CCDC85A: variants seen among roughly 807,000 people sequenced by gnomAD.
CCDC85A encodes the protein coiled-coil domain-containing protein 85A.
CCDC85A carries 38 observed loss-of-function variants against 50.2 expected under a neutral mutation model. The ratio of observed to expected loss-of-function variants is 0.76; its 90% confidence interval spans 0.58 to 0.99. The LOEUF (loss-of-function observed/expected upper bound fraction) is 0.99. Ranked by LOEUF, CCDC85A falls within the 50% of genes least tolerant of loss-of-function variation. The pLI is 0.00. For missense variants in CCDC85A, 820 were observed against 742.0 expected, an observed-to-expected ratio of 1.11 and a Z score of -1.22; for synonymous variants, 366 against 301.4, an observed-to-expected ratio of 1.21 and a Z score of -2.22.
chr2:56,260,691 A>T (rs1362548226), intron 2 of CCDC85A, among the ~76,000 whole-genome samples: 1 of 152,186 alleles, frequency 6.6e-6, no homozygotes, highest in Non-Finnish European at 1.5e-5. Context: ...GAGTTGGCAT[A>T]AACCTCACTG....
intron 2 of CCDC85A, among the ~76,000 whole-genome samples, chr2:56,239,867 G>A (rs375935921): frequency 1.5e-4 from 23 of 152,108 alleles, no homozygotes; most frequent in African/African-American, 5.3e-4. Context: ...ATTATAACTC[G>A]AGATCTTTTT....
intron 2 of CCDC85A, among the ~76,000 whole-genome samples, chr2:56,261,238 A>G: frequency 6.6e-6 from 1 of 152,330 alleles, no homozygotes; most frequent in East Asian, 1.9e-4. Flanking sequence ...CCATTCTTAT[A>G]GAGAGACTAT....
intron 5 of CCDC85A, among the ~76,000 whole-genome samples, chr2:56,383,177 A>G (rs1031369549): frequency 3.3e-5 from 5 of 152,012 alleles, no homozygotes; most frequent in Non-Finnish European, 5.9e-5. Context: ...AGAGCCCTAT[A>G]TTGTGTATTA....
intron 2 of CCDC85A, among the ~76,000 whole-genome samples, chr2:56,210,003 G>C (rs1677119129): frequency 6.6e-6 from 1 of 152,142 alleles, no homozygotes; most frequent in African/African-American, 2.4e-5. Flanking sequence ...AGCACATCCT[G>C]GAATGTTTTT....
rs748278606 is a variant in CCDC85A, at chr2:56,193,132, G to A, written c.932G>A (p.Ser311Asn). The change falls in exon 2 of 6, where the codon AGT becomes AAT. Residue 311 changes from serine to asparagine, a missense_variant. Transcript: ENST00000407595. ...GAAACGCTGCCCAAGCACGTGCTGA[G>A]TGGGAGCCCGGAACACTTCCAGAAG... ...SPETLPKHVLSGSPEHFQKHR... is the reference protein window; with the variant it reads ...SPETLPKHVLNGSPEHFQKHR... The A allele has an allele frequency of 1.2e-6, 2 of 1,613,056 alleles. No individual in the cohort carries two copies. The highest frequency in any genetic ancestry group is 1.7e-6 in the Non-Finnish European group (2 of 1,179,234).
intron 2 of CCDC85A, among the ~76,000 whole-genome samples, chr2:56,248,080 G>A (rs1377300566): frequency 6.6e-6 from 1 of 152,108 alleles, no homozygotes; most frequent in Admixed American, 6.6e-5. Flanking sequence ...AAGTGACAGG[G>A]GATATAAGTG....
intron 2 of CCDC85A, among the ~76,000 whole-genome samples, chr2:56,279,035 A>C (rs1453253559): frequency 6.6e-6 from 1 of 152,228 alleles, no homozygotes; most frequent in Non-Finnish European, 1.5e-5. Context: ...GCCCAAGGCC[A>C]GCTGTGATTT....
At chr2:56,285,912 ATCT>A (rs373171609) in intron 2 of CCDC85A, among the ~76,000 whole-genome samples, 258 of 151,966 alleles carry the variant, frequency 1.7e-3, no homozygotes, top group Non-Finnish European at 3.2e-3. Context: ...TTGGATATAA[ATCT>A]TCTTAGGCTG....
intron 1 of CCDC85A, 39 bp downstream of exon 1, chr2:56,184,939 G>C (rs1572990840): frequency 6.9e-7 from 1 of 1,449,946 alleles, no homozygotes; most frequent in South Asian, 1.4e-5. Context: ...GCGCGGCTGG[G>C]AGCGGGGTGC....
chr2:56,242,132 T>A (rs979060605), intron 2 of CCDC85A, among the ~76,000 whole-genome samples: 20 of 152,220 alleles, frequency 1.3e-4, no homozygotes, highest in Non-Finnish European at 1.8e-4. Context: ...TGTTTTCTTT[T>A]GTGAAATGTC....
intron 2 of CCDC85A, among the ~76,000 whole-genome samples, chr2:56,322,349 A>C (rs1401560156): frequency 6.6e-6 from 1 of 152,244 alleles, no homozygotes; most frequent in African/African-American, 2.4e-5. Context: ...CATCAGAGTG[A>C]ACAGGCAACC....
intron 2 of CCDC85A, among the ~76,000 whole-genome samples, chr2:56,215,639 A>G (rs2103891002): frequency 6.8e-6 from 1 of 146,746 alleles, no homozygotes; most frequent in Non-Finnish European, 1.5e-5. Flanking sequence ...TTTCTATGTC[A>G]GTTGATATCA....
intron 2 of CCDC85A, among the ~76,000 whole-genome samples, chr2:56,231,073 A>G (rs1668752896): frequency 6.6e-6 from 1 of 152,218 alleles, no homozygotes. Flanking sequence ...AGCTGGAAGC[A>G]TAAAAAATTA....
chr2:56,376,797 C>T (rs1238950258), intron 5 of CCDC85A, among the ~76,000 whole-genome samples: 1 of 152,150 alleles, frequency 6.6e-6, no homozygotes, highest in Non-Finnish European at 1.5e-5. Context: ...TAGCTTTGAT[C>T]AAACCTTTCT....
chr2:56,351,471 G>C (rs1476217650), intron 3 of CCDC85A, among the ~76,000 whole-genome samples: 1 of 143,986 alleles, frequency 6.9e-6, no homozygotes, highest in Non-Finnish European at 1.5e-5. Context: ...CCCACCAACA[G>C]TGTAAAAGTG....
At chr2:56,314,516 C>T (rs576429840) in intron 2 of CCDC85A, among the ~76,000 whole-genome samples, 2 of 152,134 alleles carry the variant, frequency 1.3e-5, no homozygotes, top group East Asian at 3.9e-4. Context: ...AGTGTATGTT[C>T]CCCCATCATT....
intron 2 of CCDC85A, among the ~76,000 whole-genome samples, chr2:56,196,389 C>T (rs182936716): frequency 6.6e-6 from 1 of 152,294 alleles, no homozygotes; most frequent in Admixed American, 6.5e-5. Context: ...AAATTGCTTG[C>T]TTATTTCATA....
chr2:56,206,949 A>G (rs75533146), intron 2 of CCDC85A, among the ~76,000 whole-genome samples: 5,249 of 131,670 alleles, frequency 0.04, 107 homozygotes, highest in South Asian at 0.13. Context: ...TTCTGAGTCA[A>G]TGATGAAGGT....
At chr2:56,246,612 T>G (rs1669522969) in intron 2 of CCDC85A, among the ~76,000 whole-genome samples, 1 of 152,232 alleles carries the variant, frequency 6.6e-6, no homozygotes, top group Non-Finnish European at 1.5e-5. Flanking sequence ...TGGCACCATT[T>G]GTTGAAAAGA....
Sources: gnomAD v4.1 joint callset for allele counts (sites outside exome capture counted in the v4.1 genomes callset) on GRCh38, gnomAD v4.1.1 for gene constraint, MANE v1.5 for transcripts, NCBI Gene and HGNC (gene_info 2026-07-23, HGNC 2026-07-21) for gene names.